SLC25A26: variants seen among roughly 807,000 people sequenced by gnomAD.
The protein encoded by SLC25A26 is solute carrier family 25 member 26, also known as mitochondrial S-adenosylmethionine carrier protein.
Under a neutral mutation model 37.8 loss-of-function variants are expected in SLC25A26, and 36 were observed. The observed-to-expected ratio is 0.95, with a 90% confidence interval of 0.73 to 1.26. The LOEUF is 1.26. Ranked by LOEUF, SLC25A26 falls within the 50% of genes most tolerant of loss-of-function variation. The pLI, the probability that SLC25A26 is intolerant of heterozygous loss-of-function variation, is 0.00. For synonymous variants in SLC25A26, 129 were observed against 122.5 expected (o/e 1.05, Z -0.35); for missense variants, 390 against 331.1 (o/e 1.18, Z -1.38).
In SLC25A26 at chr3:66,208,885, T is replaced by TATATACACAC. The variant is rs1196757082; in HGVS notation, c.-353-11856_-353-11855insTATACACACA. Among the ~76,000 whole-genome samples, 13 of 105,606 alleles carry TATATACACAC rather than the reference T, an allele frequency of 1.2e-4. 2 individuals carry two copies. Among genetic ancestry groups the TATATACACAC allele is most frequent in the African/African-American group, 1.9e-4 (6 of 30,856 alleles). 69.3% of individuals were successfully genotyped at this position (105,606 alleles called of 152,430 possible). On this transcript the variant is annotated intron_variant, in intron 1 of 10. Transcript: ENST00000676754. ...ATGGGTGTGTGTATATATATATATA[T>TATATACACAC]ACACCTTTATATGGGTATATATATA...
At chr3:66,277,167 C>T (rs1257946133) in intron 5 of SLC25A26, among the ~76,000 whole-genome samples, 1 of 152,052 alleles carries the variant, frequency 6.6e-6, no homozygotes, top group Non-Finnish European at 1.5e-5. Flanking sequence ...TCCCTGTAGT[C>T]TCATCAATTA....
At chr3:66,179,872 A>G (rs921746873) in intron 1 of SLC25A26, among the ~76,000 whole-genome samples, 5 of 152,342 alleles carry the variant, frequency 3.3e-5, no homozygotes, top group Middle Eastern at 3.4e-3. Flanking sequence ...TTTGATAAAT[A>G]TTCATAAAAT....
At chr3:66,189,388 G>C (rs1010904576) in intron 1 of SLC25A26, among the ~76,000 whole-genome samples, 4 of 151,620 alleles carry the variant, frequency 2.6e-5, no homozygotes, top group Admixed American at 1.3e-4. Context: ...TACTGCTCCT[G>C]ACACTTACCA....
Position 66,172,063 on chromosome 3 carries a change from A to G in SLC25A26, c.-354+38079A>G, listed in dbSNP as rs150333019. 4.6e-5 allele frequency among the ~76,000 whole-genome samples: 7 copies of G among 152,242 alleles called. No individual in the cohort carries two copies. In the East Asian group the frequency reaches 1.4e-3, roughly 29 times the overall value. On this transcript the variant is annotated intron_variant, in intron 1 of 10. Transcript: ENST00000676754. ...TCTGATGCTTGTAGGTTAATGGAGT[A>G]TTTGTGAGGAATCTTATGTAGCAAA...
chr3:66,270,415 A>C (rs930339102), intron 5 of SLC25A26, among the ~76,000 whole-genome samples: 2 of 152,232 alleles, frequency 1.3e-5, no homozygotes, highest in African/African-American at 4.8e-5. Context: ...CATTTTATTA[A>C]CTATGACCAA....
intron 1 of SLC25A26, among the ~76,000 whole-genome samples, chr3:66,204,152 G>A (rs2071143591): frequency 6.6e-6 from 1 of 152,112 alleles, no homozygotes. Context: ...TGGGCCGGGC[G>A]CGGTGGCTCA....
At position 66,209,322 on chromosome 3, in the gene SLC25A26, T is replaced by G. The variant is rs964523776; in HGVS notation, c.-353-11420T>G. 4.9e-3 allele frequency among the ~76,000 whole-genome samples: 678 copies of G among 138,782 alleles called. 1 individual carries two copies. The highest frequency in any genetic ancestry group is 0.016 in the African/African-American group (629 of 38,814). The allele number at this position is 138,782 out of a possible 152,430, so 91.0% of individuals were successfully genotyped here. On this transcript the variant is annotated intron_variant, in intron 1 of 10. Transcript: ENST00000676754. ...ATATGTATGTATATATACATATATA[T>G]CTATATGTATGTATATATACATATG...
chr3:66,335,431 A>T (rs1429909741), intron 5 of SLC25A26, among the ~76,000 whole-genome samples: 1 of 152,192 alleles, frequency 6.6e-6, no homozygotes, highest in African/African-American at 2.4e-5. Context: ...CTTTTTGTAT[A>T]TAATTGATAT....
intron 5 of SLC25A26, among the ~76,000 whole-genome samples, chr3:66,273,424 A>T (rs2074023274): frequency 6.6e-6 from 1 of 151,242 alleles, no homozygotes; most frequent in Non-Finnish European, 1.5e-5. Flanking sequence ...CTGGTCCTGG[A>T]CTCTTTTTGG....
intron 1 of SLC25A26, among the ~76,000 whole-genome samples, chr3:66,142,599 A>T (rs1428923560): frequency 2.6e-5 from 4 of 152,144 alleles, no homozygotes; most frequent in African/African-American, 9.7e-5. Context: ...TCCCTAGTTG[A>T]TTACTATCAG....
intron 5 of SLC25A26, among the ~76,000 whole-genome samples, chr3:66,277,899 T>C (rs972996206): frequency 1.3e-5 from 2 of 151,916 alleles, no homozygotes; most frequent in Admixed American, 6.6e-5. Context: ...CAAACCGAGA[T>C]TGAGAGACAT....
intron 1 of SLC25A26, among the ~76,000 whole-genome samples, chr3:66,230,995 T>G (rs2071999783): frequency 6.6e-6 from 1 of 151,844 alleles, no homozygotes; most frequent in Admixed American, 6.6e-5. Flanking sequence ...GCCAACAGGG[T>G]GAAACTCTGC....
chr3:66,183,726 C>T (rs982717010), intron 1 of SLC25A26, among the ~76,000 whole-genome samples: 1 of 152,060 alleles, frequency 6.6e-6, no homozygotes, highest in African/African-American at 2.4e-5. Context: ...GACCCTTAAC[C>T]TGAACCTCAC....
chr3:66,256,347 G>T (rs1056753675), intron 3 of SLC25A26, among the ~76,000 whole-genome samples: 1 of 152,024 alleles, frequency 6.6e-6, no homozygotes, highest in Non-Finnish European at 1.5e-5. Context: ...AGGCTGATAG[G>T]TTGCCATCTA....
chr3:66,281,572 A>G lies in SLC25A26; in HGVS notation c.453+18193A>G, dbSNP rs536955688. 2.6e-5 allele frequency among the ~76,000 whole-genome samples: 4 copies of G among 152,268 alleles called. No homozygotes were observed. In the South Asian group the frequency reaches 8.3e-4, roughly 32 times the overall value. On this transcript the variant is annotated intron_variant, in intron 5 of 9. Transcript: ENST00000354883. ...AATCCCCATGGACTCATGGATTTTA[A>G]AAAAATAGCCTAATTGAGTTAGAAT...
chr3:66,354,298 C>A (rs1485341140), intron 6 of SLC25A26, among the ~76,000 whole-genome samples: 1 of 151,994 alleles, frequency 6.6e-6, no homozygotes, highest in Admixed American at 6.5e-5. Flanking sequence ...GAGATGTAAT[C>A]TTTAAGCTAA....
chr3:66,286,415 A>T (rs910715497), intron 5 of SLC25A26, among the ~76,000 whole-genome samples: 1 of 152,060 alleles, frequency 6.6e-6, no homozygotes. Context: ...GCATATATAG[A>T]TGTCTAGTTA....
At position 66,346,352 on chromosome 3, in the gene SLC25A26, T is replaced by TTC. The variant is rs1202842997; in HGVS notation, c.454-6_454-5dup. On this transcript the variant is annotated splice_polypyrimidine_tract_variant and intron_variant, in intron 5 of 9. Coordinates refer to ENST00000354883, the MANE Select transcript of SLC25A26 (RefSeq NM_001379210.1). ...TTGCCTAATTTATTTAATTTTTTTT[T>TTC]TCTCTCTTCAGATTCCTTTTTCTTT... 2 of 1,464,548 alleles carry TTC rather than the reference T, an allele frequency of 1.4e-6. No homozygotes were observed. Among genetic ancestry groups the TTC allele is most frequent in the Non-Finnish European group, 9.1e-7 (1 of 1,093,412 alleles). 90.7% of individuals were successfully genotyped at this position (1,464,548 alleles called of 1,614,324 possible). A position where few individuals can be genotyped will look rare whatever the true frequency, so the allele number is the denominator to read the frequency against.
intron 2 of SLC25A26, among the ~76,000 whole-genome samples, chr3:66,238,709 A>G (rs36142252): frequency 0.3 from 45,367 of 152,004 alleles, 8,426 homozygotes; most frequent in African/African-American, 0.53. Context: ...AGCCAGAGAA[A>G]AAATACTAAG....
Sources: gnomAD v4.1 joint callset for allele counts (sites outside exome capture counted in the v4.1 genomes callset) on GRCh38, gnomAD v4.1.1 for gene constraint, MANE v1.5 for transcripts, NCBI Gene and HGNC (gene_info 2026-07-23, HGNC 2026-07-21) for gene names.